The following GPHN variants were observed in gnomAD, a reference collection of about 807,000 sequenced individuals.
GPHN encodes gephyrin.
In GPHN, 17 loss-of-function variants were observed where a neutral mutation model predicts 95.5. That is an observed-to-expected ratio of 0.18 (90% confidence interval 0.12 to 0.27). The LOEUF (loss-of-function observed/expected upper bound fraction) is 0.27, where lower values mean the gene tolerates loss of function less well. Among genes scored for constraint, GPHN ranks in the 10% least tolerant of loss-of-function variants. The pLI is 1.00. For synonymous variants in GPHN, 320 were observed against 322.5 expected, an observed-to-expected ratio of 0.99 and a Z score of 0.08; for missense variants, 660 against 978.1, an observed-to-expected ratio of 0.67 and a Z score of 4.34.
At chr14:66,628,604 A>G (rs1351158732) in intron 1 of GPHN, among the ~76,000 whole-genome samples, 1 of 152,158 alleles carries the variant, frequency 6.6e-6, no homozygotes, top group Non-Finnish European at 1.5e-5. Context: ...ACCACTGTAG[A>G]GTTTTTAAAC....
At chr14:67,200,640 T>C in the GPHN span, 1 of 170,926 alleles carries the variant, frequency 5.9e-6, no homozygotes, top group Non-Finnish European at 1.2e-5. Context: ...ACCTCCAGTA[T>C]ACCATAGGCA....
At chr14:67,616,900 G>T in the GPHN span, 1 of 151,610 alleles carries the variant, frequency 6.6e-6, no homozygotes, top group East Asian at 1.9e-4. Context: ...TCGAGATGGG[G>T]TCCTCACTCT....
intron 17 of GPHN, among the ~76,000 whole-genome samples, chr14:67,136,177 A>G (rs1185148695): frequency 6.6e-6 from 1 of 152,070 alleles, no homozygotes; most frequent in Non-Finnish European, 1.5e-5. Context: ...GGTTGCTGGT[A>G]TTTTCCTCTC....
rs555487383 is a variant in GPHN, at chr14:66,923,145, A to G, written c.729+207A>G. The stretch of plus-strand genomic sequence containing the variant: ...TCACTGAAGTTAATTCTGAGTTCTG[A>G]GGCATTACTGATGAGCTGTTGCCTA... On this transcript the variant is annotated intron_variant, in intron 7 of 22. Coordinates refer to ENST00000478722, the MANE Select transcript of GPHN (RefSeq NM_020806.5). Among the ~76,000 whole-genome samples, 5 of 152,278 alleles carry G rather than the reference A, an allele frequency of 3.3e-5. No individual in the cohort carries two copies. The East Asian group carries it at 9.7e-4, about 29-fold the overall frequency.
At chr14:67,404,938 G>A in the GPHN span, among the ~76,000 whole-genome samples, 1 of 151,926 alleles carries the variant, frequency 6.6e-6, no homozygotes, top group South Asian at 2.1e-4. Context: ...TGGATACAGA[G>A]TAATAAGAAT....
chr14:67,473,698 G>T, the GPHN span: 1 of 1,592,124 alleles, frequency 6.3e-7, no homozygotes, highest in Non-Finnish European at 8.5e-7. The surrounding 1 kb of genome is among the most constrained non-coding windows in gnomAD (Gnocchi z 6.5). Flanking sequence ...ATGAGGCAGC[G>T]CAGGAGCAGC....
At chr14:67,590,686 A>G in the GPHN span, among the ~76,000 whole-genome samples, 1 of 152,132 alleles carries the variant, frequency 6.6e-6, no homozygotes, top group Non-Finnish European at 1.5e-5. Flanking sequence ...TCTCACCCAC[A>G]TCAAGGGGTA....
At chr14:66,632,583 C>G (rs569200231) in intron 1 of GPHN, among the ~76,000 whole-genome samples, 3 of 151,136 alleles carry the variant, frequency 2.0e-5, no homozygotes, top group African/African-American at 4.8e-5. Context: ...ACCTCCTCCT[C>G]CCAGGTTCAA....
chr14:67,411,960 G>A, the GPHN span: 1 of 1,451,130 alleles, frequency 6.9e-7, no homozygotes, highest in Non-Finnish European at 9.3e-7. Flanking sequence ...CCCGCTCTAG[G>A]GAGCCGCGTC....
the GPHN span, among the ~76,000 whole-genome samples, chr14:67,249,204 T>G: frequency 1.3e-5 from 2 of 151,370 alleles, no homozygotes; most frequent in African/African-American, 4.9e-5. Context: ...TCAGGTGATT[T>G]GCACGTCTCG....
the GPHN span, among the ~76,000 whole-genome samples, chr14:67,191,577 C>A: frequency 6.6e-6 from 1 of 152,132 alleles, no homozygotes; most frequent in Non-Finnish European, 1.5e-5. Flanking sequence ...CTGCATTTAT[C>A]CCCAGGAAAA....
At chr14:67,327,774 A>G in the GPHN span, among the ~76,000 whole-genome samples, 1 of 152,162 alleles carries the variant, frequency 6.6e-6, no homozygotes, top group African/African-American at 2.4e-5. Flanking sequence ...TTTTCTCAGA[A>G]TGATGGTTTC....
At chr14:66,585,983 G>A (rs1406808832) in intron 1 of GPHN, among the ~76,000 whole-genome samples, 2 of 152,136 alleles carry the variant, frequency 1.3e-5, no homozygotes, top group Non-Finnish European at 2.9e-5. Context: ...AATGTTGACA[G>A]TGGGGTGTTA....
At chr14:67,488,594 T>G in the GPHN span, 26 of 152,428 alleles carry the variant, frequency 1.7e-4, no homozygotes, top group African/African-American at 6.0e-4. Flanking sequence ...ACGGAGCATG[T>G]CCGAACCCTC....
chr14:66,773,066 G>T (rs913679506), intron 2 of GPHN, among the ~76,000 whole-genome samples: 1 of 152,112 alleles, frequency 6.6e-6, no homozygotes, highest in African/African-American at 2.4e-5. Context: ...CAGTAGCCTA[G>T]GTTTTCTGGT....
At chr14:67,358,185 G>T in the GPHN span, among the ~76,000 whole-genome samples, 3 of 152,134 alleles carry the variant, frequency 2.0e-5, no homozygotes, top group African/African-American at 4.8e-5. Flanking sequence ...TTTCAGTGCA[G>T]AAGTTTTGAC....
At chr14:66,544,729 C>T (rs1384111311) in intron 1 of GPHN, among the ~76,000 whole-genome samples, 1 of 151,888 alleles carries the variant, frequency 6.6e-6, no homozygotes, top group Non-Finnish European at 1.5e-5. Flanking sequence ...GGCGGAGGAC[C>T]CTGTGGCCTT....
At chr14:66,675,144 C>T (rs1455597913) in intron 1 of GPHN, among the ~76,000 whole-genome samples, 1 of 123,074 alleles carries the variant, frequency 8.1e-6, no homozygotes, top group Admixed American at 8.5e-5. Context: ...ATTCTTTTTC[C>T]AGTTTTTTTT....
At chr14:66,513,986 A>AG (rs1353941678) in intron 1 of GPHN, among the ~76,000 whole-genome samples, 1 of 151,916 alleles carries the variant, frequency 6.6e-6, no homozygotes, top group East Asian at 1.9e-4. Flanking sequence ...TTAATTTGAA[A>AG]AATAAAGCAG....
Sources: gnomAD v4.1 joint callset for allele counts (sites outside exome capture counted in the v4.1 genomes callset) on GRCh38, gnomAD v4.1.1 for gene constraint, Gnocchi (gnomAD v3.1) non-coding constraint, MANE v1.5 for transcripts, NCBI Gene and HGNC (gene_info 2026-07-23, HGNC 2026-07-21) for gene names.